SAMSN1: variants seen among roughly 807,000 people sequenced by gnomAD.
SAMSN1 encodes the protein SAM domain-containing protein SAMSN-1.
A neutral mutation model predicts 42.0 loss-of-function variants in SAMSN1; 31 were observed. The observed-to-expected ratio is 0.74, with a 90% confidence interval of 0.55 to 1.00. SAMSN1 has a LOEUF of 1.00. Ranked by LOEUF, SAMSN1 falls within the 50% of genes least tolerant of loss-of-function variation. The pLI is 0.00. For synonymous variants in SAMSN1, 178 were observed against 151.9 expected (o/e 1.17, Z -1.26); for missense variants, 464 against 439.4 (o/e 1.06, Z -0.50).
chr21:14,636,712 G>T (rs1255974913), intron 2 of SAMSN1, among the ~76,000 whole-genome samples: 1 of 152,054 alleles, frequency 6.6e-6, no homozygotes, highest in Non-Finnish European at 1.5e-5. Flanking sequence ...AGCTGGGCAT[G>T]GTGGCACGCA....
rs952256104 is a variant in SAMSN1 at position 14,645,794 on chromosome 21, A to G, written c.25-2661T>C. Among the ~76,000 whole-genome samples the G allele has an allele frequency of 1.3e-4, 20 of 152,258 alleles. 1 individual carries two copies. Among genetic ancestry groups the G allele is most frequent in the Admixed American group, 1.3e-3 (20 of 15,292 alleles). On this transcript the variant is annotated intron_variant, in intron 1 of 15. Coordinates refer to the SAMSN1 transcript ENST00000647101. ...GATAAGGAATTCAGAATTCTATCCA[A>G]TAAATTAACAAATAAACTGAAATGA... is the stretch of plus-strand genomic sequence containing the variant.
chr21:14,500,682 TC>T lies in SAMSN1; in HGVS notation c.614del (p.Gly205GlufsTer3). On this transcript the variant is annotated frameshift_variant, in exon 6 of 8. Coordinates refer to ENST00000400566, the MANE Select transcript of SAMSN1 (RefSeq NM_022136.5). LOFTEE classifies it high-confidence loss of function. ...ICKTPMGMWT[G>X]MLNNKVGNFK... ...AGTTTCCCACTTTATTGTTCAACAT[TC>T]CTGTCCACATCCCCATTGGTGTTTT... 6.2e-7 allele frequency: 1 copy of T among 1,614,140 alleles called. No individual in the cohort carries two copies. The highest frequency in any genetic ancestry group is 8.5e-7 in the Non-Finnish European group (1 of 1,179,992).
In SAMSN1 at chr21:14,510,402, C is replaced by T. The variant is rs760968832; in HGVS notation, c.469G>A (p.Asp157Asn). 8 of 1,614,032 alleles carry T rather than the reference C, an allele frequency of 5.0e-6. No individual in the cohort carries two copies. Among genetic ancestry groups the T allele is most frequent in the East Asian group, 2.2e-5 (1 of 44,902 alleles). ...SNRDSFRLDD[D>N]GPYSGPFCGR... ...CAGAATGGTCCTGAATAGGGGCCAT[C>T]GTCATCCAGTCGAAAGCTGTCCCGG... Residue 157 changes from aspartate to asparagine, a missense_variant, in exon 5 of 8, where the codon GAT becomes AAT. Coordinates refer to ENST00000400566, the MANE Select transcript of SAMSN1 (RefSeq NM_022136.5).
chr21:14,545,001 A>G (rs1056322593), intron 1 of SAMSN1, among the ~76,000 whole-genome samples: 2 of 152,118 alleles, frequency 1.3e-5, no homozygotes, highest in Non-Finnish European at 2.9e-5. Context: ...ACTTTTCTGT[A>G]TTATTTGGAA....
At chr21:14,534,524 CT>C (rs11382147) in intron 1 of SAMSN1, among the ~76,000 whole-genome samples, 14 of 145,914 alleles carry the variant, frequency 9.6e-5, no homozygotes, top group South Asian at 2.2e-4. Flanking sequence ...GACTTTTTTT[CT>C]TTTTTTTTTT....
rs962161990 is a variant in SAMSN1 at position 14,516,074 on chromosome 21, A to G, written c.279+818T>C. ...ACATTGTTGATGGGAATGTCAAATG[A>G]CACACCTGCTTAAAAAAACAATTTG... On this transcript the variant is annotated intron_variant, in intron 3 of 7. Transcript: ENST00000400566. 5.2e-4 allele frequency among the ~76,000 whole-genome samples: 79 copies of G among 152,204 alleles called. 1 individual carries two copies. The highest frequency in any genetic ancestry group is 5.2e-3 in the Admixed American group (79 of 15,282).
chr21:14,614,545 C>T (rs145305252), intron 3 of SAMSN1, among the ~76,000 whole-genome samples: 2 of 152,300 alleles, frequency 1.3e-5, no homozygotes, highest in Non-Finnish European at 2.9e-5. Context: ...TCTTGATAGT[C>T]ATGTGCTCGC....
rs1987107292 is a variant in SAMSN1 at position 14,500,571 on chromosome 21, T to A, written c.726A>T (p.Lys242Asn). Residue 242 changes from lysine (K) to asparagine (N), a missense_variant, in exon 6 of 8, where the codon AAA becomes AAT. Transcript: ENST00000400566. The part of the protein sequence containing the change: ...IKANRRSNSK[K>N]SKTLQEFLER... ...CTAGGAACTCCTGCAGAGTCTTGGA[T>A]TTTTTGCTGTTACTCCTTCGGTTTG... is the stretch of plus-strand genomic sequence containing the variant. The A allele has an allele frequency of 1.2e-6, 2 of 1,614,174 alleles. No homozygotes were observed. Among genetic ancestry groups the A allele is most frequent in the Non-Finnish European group, 1.7e-6 (2 of 1,180,018 alleles).
chr21:14,496,775 A>G (rs1031096504), intron 7 of SAMSN1, among the ~76,000 whole-genome samples: 5 of 152,214 alleles, frequency 3.3e-5, no homozygotes, highest in African/African-American at 1.2e-4. Flanking sequence ...AAGAAAGCAT[A>G]TAATAACCTA....
At chr21:14,617,065 C>A (rs1230270559) in intron 2 of SAMSN1, among the ~76,000 whole-genome samples, 2 of 152,132 alleles carry the variant, frequency 1.3e-5, no homozygotes, top group African/African-American at 4.8e-5. Context: ...ACCCCACACA[C>A]TGAAACAGTC....
At chr21:14,617,837 A>G (rs967093878) in intron 2 of SAMSN1, among the ~76,000 whole-genome samples, 2 of 152,252 alleles carry the variant, frequency 1.3e-5, no homozygotes, top group African/African-American at 4.8e-5. Context: ...CAAAATTTAT[A>G]TGCAATCGAG....
intron 2 of SAMSN1, among the ~76,000 whole-genome samples, chr21:14,564,272 T>A (rs1458797409): frequency 6.6e-6 from 1 of 152,170 alleles, no homozygotes; most frequent in Non-Finnish European, 1.5e-5. Flanking sequence ...CCATTTCCCA[T>A]ACTCTTATAC....
At chr21:14,556,648 A>G (rs1980771488) in intron 2 of SAMSN1, among the ~76,000 whole-genome samples, 1 of 152,180 alleles carries the variant, frequency 6.6e-6, no homozygotes, top group Admixed American at 6.6e-5. Flanking sequence ...CAACACACAC[A>G]AAGTGAGGTT....
rs373177190 is a variant in SAMSN1, at chr21:14,503,023, C to T, written c.562-2288G>A. Among the ~76,000 whole-genome samples, 23 of 152,238 alleles carry T rather than the reference C, an allele frequency of 1.5e-4. No homozygotes were observed. In the East Asian group the frequency reaches 3.9e-3, roughly 26 times the overall value. ...TTAACATCTATGAATTCTTTTAGCG[C>T]AAAACCTTCTTCTCTTTGTGCTATT... On this transcript the variant is annotated intron_variant, in intron 5 of 7. Coordinates refer to ENST00000400566, the MANE Select transcript of SAMSN1 (RefSeq NM_022136.5).
At chr21:14,633,187 C>T (rs182048417) in intron 2 of SAMSN1, among the ~76,000 whole-genome samples, 27 of 152,158 alleles carry the variant, frequency 1.8e-4, no homozygotes, top group Non-Finnish European at 3.8e-4. Context: ...CTCTCTCTCT[C>T]TCTCTCTCTA....
intron 6 of SAMSN1, among the ~76,000 whole-genome samples, chr21:14,595,067 C>T (rs58508672): frequency 0.011 from 1,741 of 152,210 alleles, 26 homozygotes; most frequent in African/African-American, 0.039. Flanking sequence ...ACAACCAGAT[C>T]TCATGAGAAC....
chr21:14,641,165 T>C (rs1450153498), intron 2 of SAMSN1, among the ~76,000 whole-genome samples: 4 of 152,142 alleles, frequency 2.6e-5, no homozygotes, highest in African/African-American at 9.7e-5. Flanking sequence ...ATGTGCAAAA[T>C]ATTATTGCCC....
At chr21:14,552,038 G>A (rs1214841957) in intron 2 of SAMSN1, among the ~76,000 whole-genome samples, 1 of 152,096 alleles carries the variant, frequency 6.6e-6, no homozygotes, top group Non-Finnish European at 1.5e-5. Flanking sequence ...TGGTTGAAAA[G>A]AGAGTTGGTT....
intron 1 of SAMSN1, among the ~76,000 whole-genome samples, chr21:14,545,520 T>C (rs1473725534): frequency 1.4e-5 from 2 of 141,930 alleles, no homozygotes; most frequent in South Asian, 2.3e-4. Flanking sequence ...GAATTTGAAC[T>C]TTATCCCATG....
Sources: gnomAD v4.1 joint callset for allele counts (sites outside exome capture counted in the v4.1 genomes callset) on GRCh38, gnomAD v4.1.1 for gene constraint, MANE v1.5 for transcripts, NCBI Gene and HGNC (gene_info 2026-07-23, HGNC 2026-07-21) for gene names.